The following CDCA7 variants were observed in gnomAD, a reference collection of about 807,000 sequenced individuals.
CDCA7 encodes cell division cycle-associated protein 7.
CDCA7 carries 28 observed loss-of-function variants against 54.0 expected under a neutral mutation model. The observed-to-expected ratio is 0.52, with a 90% CI of 0.38 to 0.71. The LOEUF (loss-of-function observed/expected upper bound fraction) is 0.71, where lower values mean the gene tolerates loss of function less well. Ranked by LOEUF, CDCA7 falls within the 30% of genes least tolerant of loss-of-function variation. The probability of loss-of-function intolerance (pLI) is 0.00; values close to 1 mark genes in which losing one functional copy is unlikely to be tolerated. For missense variants in CDCA7, 484 were observed against 586.0 expected (o/e 0.83, Z 1.80); for synonymous variants, 180 against 208.2 (o/e 0.86, Z 1.16).
intron 3 of CDCA7, among the ~76,000 whole-genome samples, chr2:173,361,458 T>G (rs1686619936): frequency 6.7e-6 from 1 of 149,790 alleles, no homozygotes; most frequent in Non-Finnish European, 1.5e-5. Flanking sequence ...TTTGCTTTTT[T>G]TTTTTTTTTT....
chr2:173,357,836 C>T (rs571396845), intron 1 of CDCA7, among the ~76,000 whole-genome samples: 2 of 152,208 alleles, frequency 1.3e-5, no homozygotes, highest in East Asian at 3.9e-4. Context: ...TGAGAGGTAG[C>T]TCTACAGATG....
intron 3 of CDCA7, among the ~76,000 whole-genome samples, chr2:173,362,919 A>C (rs537277928): frequency 6.6e-6 from 1 of 152,160 alleles, no homozygotes; most frequent in East Asian, 1.9e-4. Flanking sequence ...TTTAAAATAC[A>C]TAAAGATCTG....
Position 173,367,806 on chromosome 2 carries a change from CAT to C in CDCA7, c.*143_*144del, listed in dbSNP as rs778759489. The stretch of plus-strand genomic sequence containing the variant: ...CTCCAATCAAGTTAATCTTAGCAGA[CAT>C]GTGTTTCTGGAGCATCACAGAAGGT... On this transcript the variant is annotated 3_prime_UTR_variant, in exon 10 of 10. Coordinates refer to ENST00000306721, the MANE Select transcript of CDCA7 (RefSeq NM_031942.5). 22 of 916,936 alleles carry C rather than the reference CAT, an allele frequency of 2.4e-5. No individual in the cohort carries two copies. Among genetic ancestry groups the C allele is most frequent in the South Asian group, 7.1e-5 (5 of 70,738 alleles). 56.8% of individuals were successfully genotyped at this position (916,936 alleles called of 1,614,324 possible).
At position 173,363,118 on chromosome 2, in the gene CDCA7, C is replaced by G. The variant is rs558111266; in HGVS notation, c.385-108C>G. On this transcript the variant is annotated intron_variant, in intron 3 of 9. Transcript: ENST00000306721. The stretch of plus-strand genomic sequence containing the variant: ...TTTGTTACCCAGAGGTATCAATGTT[C>G]AGTTAAAATTCATTTCATACAAGTG... 4.6e-5 allele frequency: 47 copies of G among 1,024,496 alleles called. 1 individual carries two copies. In the East Asian group the frequency reaches 1.0e-3, roughly 23 times the overall value. 63.5% of individuals were successfully genotyped at this position (1,024,496 alleles called of 1,614,324 possible). A position where few individuals can be genotyped will look rare whatever the true frequency, so the allele number is the denominator to read the frequency against.
At position 173,366,393 on chromosome 2, in the gene CDCA7, C is replaced by G; in HGVS notation, c.1146C>G (p.Asn382Lys). ...AGTTCTGTGGCCCCTGCCTTCGAAA[C>G]CGTTATGGTGAAGAGGTCAGGGATG... ...RGQFCGPCLR[N>K]RYGEEVRDAL... The change falls in exon 8 of 10, where the codon AAC becomes AAG. Residue 382 changes from asparagine to lysine, a missense_variant. Physicochemically the swap from Asn to Lys is moderately conservative, Grantham distance 94. Coordinates refer to ENST00000306721, the MANE Select transcript of CDCA7 (RefSeq NM_031942.5). This position sits in a 1 kb window ranked among gnomAD's most constrained non-coding sequence, Gnocchi z 4.5. The G allele has an allele frequency of 6.2e-7, 1 of 1,614,112 alleles. No homozygotes were observed. Among genetic ancestry groups the G allele is most frequent in the Non-Finnish European group, 8.5e-7 (1 of 1,180,036 alleles).
At chr2:173,355,017 G>C in intron 1 of CDCA7, 33 bp downstream of exon 1, 1 of 1,364,568 alleles carries the variant, frequency 7.3e-7, no homozygotes, top group South Asian at 1.8e-5. Context: ...CGAGGGGCGG[G>C]CGCGGTGGGT....
At position 173,366,084 on chromosome 2, in the gene CDCA7, C is replaced by T. The variant is rs892237422; in HGVS notation, c.1036-199C>T. Among the ~76,000 whole-genome samples, 2 of 152,086 alleles carry T rather than the reference C, an allele frequency of 1.3e-5. No individual in the cohort carries two copies. The highest frequency in any genetic ancestry group is 2.4e-5 in the African/African-American group (1 of 41,406). ...AAGCGATCCACTCTCCTCAGTCTCCCGGAATGCTGGGGTTACAGGTGTGAG... is the reference window on the plus strand; with the variant it reads ...AAGCGATCCACTCTCCTCAGTCTCCTGGAATGCTGGGGTTACAGGTGTGAG... On this transcript the variant is annotated intron_variant, in intron 7 of 9. Coordinates refer to ENST00000306721, the MANE Select transcript of CDCA7 (RefSeq NM_031942.5). This position sits in a 1 kb window ranked among gnomAD's most constrained non-coding sequence, Gnocchi z 4.5.
rs751581799 is a variant in CDCA7, at chr2:173,358,704, A to G, written c.22-8A>G. 6.2e-7 allele frequency: 1 copy of G among 1,611,772 alleles called. No homozygotes were observed. The highest frequency in any genetic ancestry group is 2.2e-5 in the East Asian group (1 of 44,850). On this transcript the variant is annotated splice_polypyrimidine_tract_variant and splice_region_variant and intron_variant, in intron 1 of 9. Transcript: ENST00000306721. ...CACGCTTAATAGGATTGCTATTTCC[A>G]TTTGCAGCAGAAAGATCTCAGAGTA...
In CDCA7 at chr2:173,367,762, C is replaced by A; in HGVS notation, c.*98C>A. On this transcript the variant is annotated 3_prime_UTR_variant, in exon 10 of 10. Coordinates refer to ENST00000306721, the MANE Select transcript of CDCA7 (RefSeq NM_031942.5). ...AACCTGAGTTAAAAATCTTGATGAT[C>A]AGCCTGTTTCATAAGAAACTCCAAT... 8.1e-7 allele frequency: 1 copy of A among 1,238,924 alleles called. No homozygotes were observed. The highest frequency in any genetic ancestry group is 1.2e-6 in the Non-Finnish European group (1 of 841,698). 76.7% of individuals were successfully genotyped at this position (1,238,924 alleles called of 1,614,324 possible).
chr2:173,364,981 T>C lies in CDCA7; in HGVS notation c.886T>C (p.Tyr296His). ...GAGAAAGAGGAAGACCGTGGATGGC[T>C]ACATGAATGTGAGTTCTCCGCATTG... The part of the protein sequence containing the change: ...LVRKRKTVDG[Y>H]MNEDDLPRSR... Residue 296 changes from tyrosine to histidine, a missense_variant, in exon 6 of 10, where the codon TAC becomes CAC. Tyr to His is a moderately conservative substitution (Grantham distance 83). Around this residue, in one of 3 missense-constraint regions of CDCA7, gnomAD observed 398 missense variants for 447.4 expected, o/e 0.89. Transcript: ENST00000306721. The C allele has an allele frequency of 6.4e-7, 1 of 1,574,388 alleles. No individual in the cohort carries two copies. The highest frequency in any genetic ancestry group is 1.4e-5 in the African/African-American group (1 of 72,752).
In CDCA7 at chr2:173,366,504, G is replaced by C; in HGVS notation, c.1185+72G>C. 1 of 1,577,340 alleles carries C rather than the reference G, an allele frequency of 6.3e-7. No homozygotes were observed. Among genetic ancestry groups the C allele is most frequent in the Non-Finnish European group, 8.6e-7 (1 of 1,160,016 alleles). On this transcript the variant is annotated intron_variant, in intron 8 of 9. Transcript: ENST00000306721. The surrounding 1 kb of genome is among the most constrained non-coding windows in gnomAD (Gnocchi z 4.5). ...CAAACTGTGATGAGGCCAGAAAAAG[G>C]CATTGGTGAAGGGGTGGAGCCCTTT...
At chr2:173,358,537 A>G (rs2106388108) in intron 1 of CDCA7, 175 bp from the exon 2 acceptor site, 1 of 611,622 alleles carries the variant, frequency 1.6e-6, no homozygotes, top group African/African-American at 1.9e-5. Flanking sequence ...TTCTTACAAA[A>G]AAAAGAAAGA....
At chr2:173,357,929 G>A (rs772838381) in intron 1 of CDCA7, among the ~76,000 whole-genome samples, 1 of 152,120 alleles carries the variant, frequency 6.6e-6, no homozygotes, top group Non-Finnish European at 1.5e-5. Context: ...GGCCGGGCGC[G>A]GTGGCTCACG....
Position 173,367,989 on chromosome 2 carries a change from G to A in CDCA7, c.*325G>A. 2.7e-6 allele frequency: 1 copy of A among 369,830 alleles called. No individual in the cohort carries two copies. The highest frequency in any genetic ancestry group is 4.9e-6 in the Non-Finnish European group (1 of 203,930). The allele number at this position is 369,830 out of a possible 1,614,324, so 22.9% of individuals were successfully genotyped here. On this transcript the variant is annotated 3_prime_UTR_variant, in exon 10 of 10. Transcript: ENST00000306721. ...TTATGAAAGCATATTTTATTTACTT[G>A]GTGTTGAAATAGCCCTCATAAAACC...
chr2:173,363,502 C>T, intron 4 of CDCA7, 40 bp downstream of exon 4: 2 of 1,544,658 alleles, frequency 1.3e-6, no homozygotes, highest in Non-Finnish European at 1.8e-6. Flanking sequence ...TTTTTCCTCT[C>T]TAAGCGACTC....
rs760272708 is a variant in CDCA7 at position 173,356,647 on chromosome 2, T to A, written c.21+1663T>A. 5.3e-5 allele frequency among the ~76,000 whole-genome samples: 8 copies of A among 152,166 alleles called. No homozygotes were observed. In the South Asian group the frequency reaches 8.3e-4, roughly 16 times the overall value. ...AGCCTCCCAAGTAACTGGGATTACA[T>A]GTACGCACCGCCACATCCGGCTGAT... On this transcript the variant is annotated intron_variant, in intron 1 of 9. Coordinates refer to ENST00000306721, the MANE Select transcript of CDCA7 (RefSeq NM_031942.5).
chr2:173,354,983 C>A lies in CDCA7; in HGVS notation c.20C>A (p.Pro7Gln). Residue 7 changes from proline to glutamine, a missense_variant and splice_region_variant, in exon 1 of 10, where the codon CCG becomes CAG. Physicochemically the swap from Pro to Gln is moderately conservative, Grantham distance 76. Coordinates refer to ENST00000306721, the MANE Select transcript of CDCA7 (RefSeq NM_031942.5). MDARRV[P>Q]QKDLRVKKNL... Reference sequence around the variant, plus strand: ...ACCAGCATGGACGCTCGCCGCGTGCCGGTGAGGGCTGGGCGGGCGAACCCG... The same window carrying A: ...ACCAGCATGGACGCTCGCCGCGTGCAGGTGAGGGCTGGGCGGGCGAACCCG... 1 of 1,431,170 alleles carries A rather than the reference C, an allele frequency of 7.0e-7. No homozygotes were observed. The highest frequency in any genetic ancestry group is 1.5e-5 in the South Asian group (1 of 68,714). The allele number at this position is 1,431,170 out of a possible 1,614,324, so 88.7% of individuals were successfully genotyped here. A position where few individuals can be genotyped will look rare whatever the true frequency, so the allele number is the denominator to read the frequency against.
At chr2:173,359,621 T>A (rs1686582693) in intron 3 of CDCA7, 130 bp downstream of exon 3, 2 of 756,890 alleles carry the variant, frequency 2.6e-6, no homozygotes, top group African/African-American at 3.5e-5. Flanking sequence ...TTTAAAAATT[T>A]TTAGTGTTTT....
chr2:173,367,412 C>T (rs1367287448), intron 9 of CDCA7, 126 bp downstream of exon 9: 2 of 1,431,744 alleles, frequency 1.4e-6, no homozygotes, highest in Admixed American at 1.8e-5. Context: ...GAACGGGGCA[C>T]ACTGGAAGGG....
Sources: gnomAD v4.1 joint callset for allele counts (sites outside exome capture counted in the v4.1 genomes callset) on GRCh38, gnomAD v4.1.1 for gene constraint, gnomAD v4.1.1 regional missense constraint, Gnocchi (gnomAD v3.1) non-coding constraint, MANE v1.5 for transcripts, NCBI Gene and HGNC (gene_info 2026-07-23, HGNC 2026-07-21) for gene names.